The following CNBD1 variants were observed in gnomAD, a reference collection of about 807,000 sequenced individuals.
CNBD1 encodes cyclic nucleotide-binding domain-containing protein 1.
In CNBD1, 71 loss-of-function variants were observed where a neutral mutation model predicts 54.4. The observed-to-expected ratio is 1.30, with a 90% CI of 1.08 to 1.59. CNBD1 has a LOEUF of 1.59. CNBD1 is among the 40% of genes most tolerant of loss of function. CNBD1 has a pLI of 0.00. For synonymous variants in CNBD1, 182 were observed against 170.7 expected, an observed-to-expected ratio of 1.07 and a Z score of -0.51; for missense variants, 659 against 518.0, an observed-to-expected ratio of 1.27 and a Z score of -2.64.
chr8:86,941,648 G>A (rs1029178045), intron 4 of CNBD1, among the ~76,000 whole-genome samples: 7 of 152,194 alleles, frequency 4.6e-5, no homozygotes, highest in South Asian at 2.1e-4. Context: ...ATACCAGGAG[G>A]TAAATCTAGG....
At chr8:86,959,180 A>C (rs1807862256) in intron 4 of CNBD1, among the ~76,000 whole-genome samples, 1 of 151,932 alleles carries the variant, frequency 6.6e-6, no homozygotes, top group Non-Finnish European at 1.5e-5. Context: ...ATTGGCCTCC[A>C]CTCTCTTATG....
Position 87,051,803 on chromosome 8 carries a change from G to A in CNBD1, c.431+112049G>A, listed in dbSNP as rs529985223. Among the ~76,000 whole-genome samples, 12 of 152,294 alleles carry A rather than the reference G, an allele frequency of 7.9e-5. No individual in the cohort carries two copies. The South Asian group carries it at 1.9e-3, about 24-fold the overall frequency. ...CCAGCATGGGCATCATGGCCATCACGAACATGTCACAGTGCTGCAGAGATT... is the reference window on the plus strand; with the variant it reads ...CCAGCATGGGCATCATGGCCATCACAAACATGTCACAGTGCTGCAGAGATT... On this transcript the variant is annotated intron_variant, in intron 4 of 10. Transcript: ENST00000518476.
rs1275491147 is a variant in CNBD1, at chr8:87,274,852, T to G, written c.772-9826T>G. ...GACATGAAGTCCTTGCCCATGCCTA[T>G]GTCCTGAATGGTAATTTTAGCCTAG... On this transcript the variant is annotated intron_variant, in intron 6 of 10. Coordinates refer to ENST00000518476, the MANE Select transcript of CNBD1 (RefSeq NM_173538.3). Among the ~76,000 whole-genome samples the G allele has an allele frequency of 1.5e-5, 2 of 135,030 alleles. 1 individual carries two copies. The highest frequency in any genetic ancestry group is 4.9e-4 in the South Asian group (2 of 4,106). 88.6% of individuals were successfully genotyped at this position (135,030 alleles called of 152,430 possible).
intron 4 of CNBD1, among the ~76,000 whole-genome samples, chr8:87,076,155 A>T (rs1036362971): frequency 1.3e-5 from 2 of 152,226 alleles, no homozygotes. Context: ...TATATCCAGC[A>T]TGAAGTGGGT....
At chr8:87,292,802 G>C (rs1808811284) in intron 8 of CNBD1, among the ~76,000 whole-genome samples, 1 of 152,138 alleles carries the variant, frequency 6.6e-6, no homozygotes, top group Non-Finnish European at 1.5e-5. Context: ...TGCAACCATG[G>C]TGATGAGCAT....
intron 5 of CNBD1, among the ~76,000 whole-genome samples, chr8:87,221,282 T>C (rs1341659376): frequency 1.3e-5 from 2 of 152,102 alleles, no homozygotes; most frequent in Non-Finnish European, 2.9e-5. Context: ...TAAAACATAA[T>C]TCCAATTTCC....
rs925983095 is a variant in CNBD1, at chr8:87,396,138, G to T, written c.214-32408G>T. Among the ~76,000 whole-genome samples, 3 of 151,984 alleles carry T rather than the reference G, an allele frequency of 2.0e-5. No homozygotes were observed. The East Asian group carries it at 5.8e-4, about 30-fold the overall frequency. ...GTCTAATGAATGACTATGTATAGAA[G>T]AGGAAATATTTGAGGAAGTTTGAAT... On this transcript the variant is annotated intron_variant, in intron 2 of 7. Transcript: ENST00000521593.
intron 4 of CNBD1, among the ~76,000 whole-genome samples, chr8:86,981,895 T>C (rs1212143349): frequency 3.9e-5 from 6 of 152,220 alleles, no homozygotes; most frequent in Admixed American, 3.9e-4. Flanking sequence ...GGACATCTGT[T>C]GTCTGTTCAC....
At chr8:87,366,251 C>T (rs539575972) in intron 10 of CNBD1, among the ~76,000 whole-genome samples, 1 of 152,044 alleles carries the variant, frequency 6.6e-6, no homozygotes, top group Non-Finnish European at 1.5e-5. Context: ...GTTGGCCAAG[C>T]TGTGATCTAA....
rs1245928157 is a variant in CNBD1, at chr8:87,346,931, A to G, written c.1043-4754A>G. On this transcript the variant is annotated intron_variant, in intron 8 of 10. Transcript: ENST00000518476. ...TATCATGAGTGAGAAATTTTCAGAG[A>G]CTTGCTACCTTTTTGTTTTTTCATT... Among the ~76,000 whole-genome samples the G allele has an allele frequency of 2.0e-5, 3 of 152,144 alleles. No individual in the cohort carries two copies. The East Asian group carries it at 5.8e-4, about 29-fold the overall frequency.
chr8:87,192,909 G>A (rs1215142418), intron 4 of CNBD1, among the ~76,000 whole-genome samples: 1 of 152,120 alleles, frequency 6.6e-6, no homozygotes, highest in Non-Finnish European at 1.5e-5. Flanking sequence ...GAATACAACT[G>A]CCCTTGCCCA....
intron 6 of CNBD1, among the ~76,000 whole-genome samples, chr8:87,268,038 A>G (rs963140549): frequency 2.0e-5 from 3 of 152,088 alleles, no homozygotes; most frequent in Non-Finnish European, 2.9e-5. Flanking sequence ...GTCTTGGTGT[A>G]TGAATGGTCC....
chr8:87,212,512 A>C (rs893663106), intron 5 of CNBD1, among the ~76,000 whole-genome samples: 1 of 152,190 alleles, frequency 6.6e-6, no homozygotes, highest in Admixed American at 6.5e-5. Flanking sequence ...AAATATATAG[A>C]GAGATCAATG....
chr8:87,296,333 G>C (rs1428318312), intron 8 of CNBD1, among the ~76,000 whole-genome samples: 1 of 151,936 alleles, frequency 6.6e-6, no homozygotes, highest in Admixed American at 6.6e-5. Context: ...ACATTCGGAG[G>C]GATAAAATGA....
intron 6 of CNBD1, among the ~76,000 whole-genome samples, chr8:87,265,351 C>A (rs949558081): frequency 1.3e-4 from 20 of 152,016 alleles, no homozygotes; most frequent in Admixed American, 1.2e-3. Flanking sequence ...TTCTGTCCCA[C>A]TGGTCTATAT....
At chr8:87,364,537 A>G (rs1810598922) in intron 10 of CNBD1, among the ~76,000 whole-genome samples, 1 of 151,840 alleles carries the variant, frequency 6.6e-6, no homozygotes, top group South Asian at 2.1e-4. Context: ...CAAGTTTGTT[A>G]TATAGGTAAA....
chr8:87,333,682 G>T (rs1809882132), intron 8 of CNBD1, among the ~76,000 whole-genome samples: 1 of 150,874 alleles, frequency 6.6e-6, no homozygotes, highest in South Asian at 2.1e-4. Context: ...TATGTTTATT[G>T]ATGTTAAACC....
intron 8 of CNBD1, among the ~76,000 whole-genome samples, chr8:87,317,055 G>A (rs1329552715): frequency 1.3e-5 from 2 of 151,710 alleles, no homozygotes; most frequent in Admixed American, 1.3e-4. Context: ...GGATAATAAT[G>A]ATACTTATCT....
intron 2 of CNBD1, among the ~76,000 whole-genome samples, chr8:87,412,306 G>A (rs183957005): frequency 5.3e-5 from 8 of 152,096 alleles, no homozygotes; most frequent in Non-Finnish European, 1.0e-4. Flanking sequence ...AAGATGAAAT[G>A]ACATCTGTAC....
Sources: gnomAD v4.1 joint callset for allele counts (sites outside exome capture counted in the v4.1 genomes callset) on GRCh38, gnomAD v4.1.1 for gene constraint, MANE v1.5 for transcripts, NCBI Gene and HGNC (gene_info 2026-07-23, HGNC 2026-07-21) for gene names.